The following TMEM217B variants were observed in gnomAD, a reference collection of about 807,000 sequenced individuals.
TMEM217B encodes transmembrane protein 217B, also known as putative transmembrane protein 217B.
At chr6:37,224,272 G>T in the TMEM217B span, among the ~76,000 whole-genome samples, 1 of 151,320 alleles carries the variant, frequency 6.6e-6, no homozygotes, top group Non-Finnish European at 1.5e-5. Flanking sequence ...TGGGACCACA[G>T]GTGCATACTA....
the TMEM217B span, chr6:37,215,416 G>T: frequency 8.7e-7 from 1 of 1,144,088 alleles, no homozygotes; most frequent in South Asian, 1.6e-5. Context: ...CTCTACTAAA[G>T]ATACAAAAAT....
At chr6:37,246,485 C>T in the TMEM217B span, among the ~76,000 whole-genome samples, 1 of 152,290 alleles carries the variant, frequency 6.6e-6, no homozygotes, top group Admixed American at 6.5e-5. Flanking sequence ...AAATATACTC[C>T]ATCTACTCTC....
chr6:37,248,290 C>A, the TMEM217B span, among the ~76,000 whole-genome samples: 2 of 151,978 alleles, frequency 1.3e-5, no homozygotes, highest in Admixed American at 6.6e-5. Flanking sequence ...TAGTTTAGTG[C>A]CAGGAATACA....
chr6:37,226,237 CTTTT>C, the TMEM217B span, among the ~76,000 whole-genome samples: 3 of 134,138 alleles, frequency 2.2e-5, no homozygotes, highest in Non-Finnish European at 4.9e-5. Flanking sequence ...TCACCATTCT[CTTTT>C]TTTGTTTTGT....
chr6:37,232,416 C>G, the TMEM217B span, among the ~76,000 whole-genome samples: 1 of 152,172 alleles, frequency 6.6e-6, no homozygotes, highest in Non-Finnish European at 1.5e-5. Context: ...GACGGAGTCT[C>G]GCTCTGTCGC....
the TMEM217B span, chr6:37,218,289 C>G: frequency 5.0e-6 from 6 of 1,205,744 alleles, no homozygotes; most frequent in Non-Finnish European, 6.7e-6. Flanking sequence ...CAGTCTCAGC[C>G]TCTCAAGTGG....
At chr6:37,236,525 T>C in the TMEM217B span, among the ~76,000 whole-genome samples, 557 of 152,236 alleles carry the variant, frequency 3.7e-3, 3 homozygotes, top group African/African-American at 0.012. Context: ...TAGGCCATTA[T>C]AGGGAGGGTA....
the TMEM217B span, among the ~76,000 whole-genome samples, chr6:37,231,204 T>C: frequency 2.1e-4 from 31 of 148,286 alleles, no homozygotes; most frequent in Middle Eastern, 3.5e-3. Context: ...GGATTACAGG[T>C]GCAAGCCACC....
chr6:37,247,519 C>A, the TMEM217B span, among the ~76,000 whole-genome samples: 595 of 151,894 alleles, frequency 3.9e-3, 3 homozygotes, highest in African/African-American at 0.014. Flanking sequence ...TCCCAAGTAG[C>A]TGGGACTACA....
At chr6:37,222,499 G>A in the TMEM217B span, among the ~76,000 whole-genome samples, 1 of 152,178 alleles carries the variant, frequency 6.6e-6, no homozygotes, top group South Asian at 2.1e-4. Context: ...CCTGCACCTA[G>A]GAGGTCCCGC....
chr6:37,243,708 C>T, the TMEM217B span, among the ~76,000 whole-genome samples: 1 of 152,188 alleles, frequency 6.6e-6, no homozygotes, highest in South Asian at 2.1e-4. Context: ...AAGCGATTCT[C>T]CTGCCTCAGC....
the TMEM217B span, among the ~76,000 whole-genome samples, chr6:37,253,780 C>T: frequency 2.0e-5 from 3 of 152,186 alleles, 1 homozygote; most frequent in Admixed American, 2.0e-4. Context: ...CATTGGAGCT[C>T]CTGTCCTGAA....
the TMEM217B span, among the ~76,000 whole-genome samples, chr6:37,229,293 C>T: frequency 6.9e-6 from 1 of 144,752 alleles, no homozygotes; most frequent in Admixed American, 7.1e-5. Context: ...CGCTCTTCAA[C>T]AGGACTTTGG....
At chr6:37,231,650 C>T in the TMEM217B span, among the ~76,000 whole-genome samples, 11 of 133,680 alleles carry the variant, frequency 8.2e-5, no homozygotes, top group Non-Finnish European at 1.7e-4. Context: ...CCAGCCTGGG[C>T]GATAGAGTGA....
chr6:37,254,506 T>G, the TMEM217B span, among the ~76,000 whole-genome samples: 1 of 152,174 alleles, frequency 6.6e-6, no homozygotes, highest in Non-Finnish European at 1.5e-5. Context: ...ATACAATCTT[T>G]CTCAGAGAAG....
chr6:37,223,547 C>T, the TMEM217B span, among the ~76,000 whole-genome samples: 123 of 152,304 alleles, frequency 8.1e-4, no homozygotes, highest in African/African-American at 2.8e-3. Context: ...CTTGCTCTGT[C>T]GCCCAGGCTG....
the TMEM217B span, among the ~76,000 whole-genome samples, chr6:37,236,278 G>A: frequency 2.0e-5 from 3 of 152,134 alleles, no homozygotes; most frequent in Admixed American, 1.3e-4. Context: ...ATGAGCCACT[G>A]TGCCTGGCCA....
the TMEM217B span, among the ~76,000 whole-genome samples, chr6:37,256,505 C>A: frequency 1.3e-5 from 2 of 151,830 alleles, no homozygotes; most frequent in Non-Finnish European, 2.9e-5. Flanking sequence ...GGTTAAATGC[C>A]CATAAAGAAG....
the TMEM217B span, chr6:37,218,184 T>TTTTTTG: frequency 8.4e-7 from 1 of 1,186,202 alleles, no homozygotes; most frequent in Admixed American, 4.2e-5. Flanking sequence ...TTTTTTTTTT[T>TTTTTTG]TGGGGGACAG....
Sources: gnomAD v4.1 joint callset for allele counts (sites outside exome capture counted in the v4.1 genomes callset) on GRCh38, gnomAD v4.1.1 for gene constraint, MANE v1.5 for transcripts, NCBI Gene and HGNC (gene_info 2026-07-23, HGNC 2026-07-21) for gene names.